The following STRBP variants were observed in gnomAD, a reference collection of about 807,000 sequenced individuals.
The protein encoded by STRBP is spermatid perinuclear RNA-binding protein.
STRBP carries 13 observed loss-of-function variants against 80.1 expected under a neutral mutation model. That is an observed-to-expected ratio of 0.16 (90% CI 0.11 to 0.26). The LOEUF is 0.26. Among genes scored for constraint, STRBP ranks in the 10% least tolerant of loss-of-function variants. The pLI, the probability that STRBP is intolerant of heterozygous loss-of-function variation, is 1.00. For synonymous variants in STRBP, 284 were observed against 291.2 expected, an observed-to-expected ratio of 0.98 and a Z score of 0.25; for missense variants, 485 against 815.2, an observed-to-expected ratio of 0.59 and a Z score of 4.93.
chr9:123,161,918 CT>C (rs1333100822), intron 6 of STRBP, among the ~76,000 whole-genome samples: 1 of 152,176 alleles, frequency 6.6e-6, no homozygotes, highest in Non-Finnish European at 1.5e-5. Flanking sequence ...GGCTTTTAAA[CT>C]TTTGGGATTG....
At chr9:123,180,030 G>C (rs1467459479) in intron 3 of STRBP, among the ~76,000 whole-genome samples, 1 of 152,076 alleles carries the variant, frequency 6.6e-6, no homozygotes, top group Non-Finnish European at 1.5e-5. Context: ...GAGGTGGGAG[G>C]ATCGCTTGAA....
chr9:123,201,115 C>G (rs186397487), intron 2 of STRBP, among the ~76,000 whole-genome samples: 118 of 152,006 alleles, frequency 7.8e-4, no homozygotes, highest in Non-Finnish European at 1.2e-3. Flanking sequence ...CTTATTTGGG[C>G]CTTCTCTCTT....
chr9:123,130,792 T>C (rs561373844), intron 17 of STRBP, among the ~76,000 whole-genome samples: 3 of 152,288 alleles, frequency 2.0e-5, no homozygotes, highest in African/African-American at 7.2e-5. Flanking sequence ...CTAAAAACCC[T>C]AGGAGCTGAG....
intron 2 of STRBP, among the ~76,000 whole-genome samples, chr9:123,207,041 GA>G (rs780860887): frequency 8.5e-5 from 13 of 152,052 alleles, no homozygotes; most frequent in Non-Finnish European, 1.8e-4. Context: ...TTCTGCTTTG[GA>G]AAGTCCATTA....
intron 1 of STRBP, among the ~76,000 whole-genome samples, chr9:123,267,247 CCT>C (rs1476945196): frequency 5.9e-5 from 9 of 151,568 alleles, no homozygotes; most frequent in Admixed American, 4.6e-4. Context: ...CTCAAAATTC[CCT>C]CTCTTGCTGA....
intron 2 of STRBP, among the ~76,000 whole-genome samples, chr9:123,232,184 T>G (rs1013776771): frequency 6.6e-6 from 1 of 152,086 alleles, no homozygotes; most frequent in African/African-American, 2.4e-5. Flanking sequence ...TGGTGGTACA[T>G]GCTTGAAATT....
intron 2 of STRBP, among the ~76,000 whole-genome samples, chr9:123,220,755 GATTT>G (rs1393530487): frequency 2.0e-5 from 3 of 152,104 alleles, no homozygotes; most frequent in African/African-American, 7.2e-5. Context: ...GAGAAAACAT[GATTT>G]ATTTTTTAAA....
downstream of STRBP, among the ~76,000 whole-genome samples, chr9:123,119,114 G>A (rs1022292301): frequency 1.3e-5 from 2 of 152,142 alleles, no homozygotes; most frequent in Non-Finnish European, 2.9e-5. Flanking sequence ...CAAACTAGAA[G>A]AGACAAGCTA....
At chr9:123,133,191 G>T (rs1185386897) in intron 16 of STRBP, among the ~76,000 whole-genome samples, 1 of 152,062 alleles carries the variant, frequency 6.6e-6, no homozygotes, top group Non-Finnish European at 1.5e-5. Context: ...TTGCTTGAGG[G>T]TTATCCAGAA....
chr9:123,124,533 G>A lies in STRBP; in HGVS notation c.*1064C>T, dbSNP rs948263677. 18 of 985,216 alleles carry A rather than the reference G, an allele frequency of 1.8e-5. No homozygotes were observed. The Admixed American group carries it at 3.1e-4, about 17-fold the overall frequency. 61.0% of individuals were successfully genotyped at this position (985,216 alleles called of 1,614,324 possible). On this transcript the variant is annotated 3_prime_UTR_variant, in exon 19 of 19. Coordinates refer to ENST00000348403, the MANE Select transcript of STRBP (RefSeq NM_018387.5). ...GCACTCAACAAGAACTGGGACAATC[G>A]AAGAGCAAGTTTTTATGGGGACCCT...
intron 11 of STRBP, among the ~76,000 whole-genome samples, chr9:123,148,239 A>C (rs986981953): frequency 6.6e-6 from 1 of 152,164 alleles, no homozygotes; most frequent in African/African-American, 2.4e-5. Context: ...ATGAGGGTGG[A>C]GCCCTTATCA....
rs1022124436 is a variant in STRBP, at chr9:123,126,764, T to C, written c.1943-1091A>G. 5.3e-5 allele frequency among the ~76,000 whole-genome samples: 8 copies of C among 152,200 alleles called. No homozygotes were observed. The highest frequency in any genetic ancestry group is 1.7e-4 in the African/African-American group (7 of 41,450). On this transcript the variant is annotated intron_variant, in intron 18 of 18. Coordinates refer to ENST00000348403, the MANE Select transcript of STRBP (RefSeq NM_018387.5). This position sits in a 1 kb window ranked among gnomAD's most constrained non-coding sequence, Gnocchi z 4.4. ...CAAGCGGCAGATGTTTTGGCACTTATACAAGACATAGTACAGTGAGTCTAG... is the reference window on the plus strand; with the variant it reads ...CAAGCGGCAGATGTTTTGGCACTTACACAAGACATAGTACAGTGAGTCTAG...
intron 5 of STRBP, among the ~76,000 whole-genome samples, chr9:123,170,957 A>G (rs542617710): frequency 6.6e-6 from 1 of 152,266 alleles, no homozygotes; most frequent in East Asian, 1.9e-4. Context: ...TCACTTATGT[A>G]AAAATAGCAT....
At chr9:123,221,111 G>A (rs987322665) in intron 2 of STRBP, among the ~76,000 whole-genome samples, 4 of 152,120 alleles carry the variant, frequency 2.6e-5, no homozygotes, top group South Asian at 2.1e-4. Flanking sequence ...TGGGTGAAGC[G>A]TTGGGTCTCT....
At chr9:123,146,728 C>T (rs905710637) in intron 13 of STRBP, 127 bp downstream of exon 13, 1 of 829,248 alleles carries the variant, frequency 1.2e-6, no homozygotes, top group African/African-American at 1.7e-5. Context: ...CCAGAAGTAA[C>T]AAAAGTCTAT....
intron 2 of STRBP, among the ~76,000 whole-genome samples, chr9:123,198,414 A>G (rs760062172): frequency 2.0e-5 from 3 of 152,064 alleles, no homozygotes; most frequent in Non-Finnish European, 4.4e-5. Context: ...CTGGGATTAC[A>G]GGTGTGAGCC....
rs376619526 is a variant in STRBP at position 123,184,155 on chromosome 9, C to A, written c.-21G>T. The stretch of plus-strand genomic sequence containing the variant: ...ACCATGGTTTTCTATAGTATTTTAG[C>A]TTCTTTTTCCGATCCTTTCCCCTCT... On this transcript the variant is annotated 5_prime_UTR_variant, in exon 3 of 19. Coordinates refer to ENST00000348403, the MANE Select transcript of STRBP (RefSeq NM_018387.5). 7.5e-6 allele frequency: 12 copies of A among 1,608,714 alleles called. No homozygotes were observed. Among genetic ancestry groups the A allele is most frequent in the Non-Finnish European group, 1.0e-5 (12 of 1,177,062 alleles).
chr9:123,123,319 G>A lies in STRBP; in HGVS notation c.*2278C>T. ...TTTCTCTGCTCTTTCAGCTGTAAGT[G>A]GAATTTTCATTACAAAATGGAAGGG... On this transcript the variant is annotated 3_prime_UTR_variant, in exon 19 of 19. Coordinates refer to ENST00000348403, the MANE Select transcript of STRBP (RefSeq NM_018387.5). 1 of 985,362 alleles carries A rather than the reference G, an allele frequency of 1.0e-6. No individual in the cohort carries two copies. Among genetic ancestry groups the A allele is most frequent in the Non-Finnish European group, 1.2e-6 (1 of 829,932 alleles). 61.0% of individuals were successfully genotyped at this position (985,362 alleles called of 1,614,324 possible).
intron 1 of STRBP, among the ~76,000 whole-genome samples, chr9:123,265,212 A>AT (rs1231773647): frequency 6.6e-6 from 1 of 151,854 alleles, no homozygotes; most frequent in Admixed American, 6.6e-5. Context: ...TAATATTTAT[A>AT]TTAACGGATT....
Sources: gnomAD v4.1 joint callset for allele counts (sites outside exome capture counted in the v4.1 genomes callset) on GRCh38, gnomAD v4.1.1 for gene constraint, Gnocchi (gnomAD v3.1) non-coding constraint, MANE v1.5 for transcripts, NCBI Gene and HGNC (gene_info 2026-07-23, HGNC 2026-07-21) for gene names.